NDP: variants seen among roughly 807,000 people sequenced by gnomAD.
NDP encodes norrin.
Under a neutral mutation model 8.4 loss-of-function variants are expected in NDP, and 2 were observed. The observed-to-expected ratio is 0.24, with a 90% CI of 0.10 to 0.75. The LOEUF is 0.75. Ranked by LOEUF, NDP falls within the 30% of genes least tolerant of loss-of-function variation. NDP has a pLI of 0.73. For missense variants in NDP, 81 were observed against 110.1 expected (o/e 0.74, Z 1.18); for synonymous variants, 55 against 45.6 (o/e 1.21, Z -0.83).
intron 2 of NDP, among the ~76,000 whole-genome samples, chrX:43,951,141 T>C (rs1439632479): frequency 9.0e-6 from 1 of 110,926 alleles, no homozygotes; most frequent in East Asian, 2.8e-4. Context: ...GGGCCAGGTG[T>C]ATTGTCTCAT....
At position 43,949,473 on chromosome X, in the gene NDP, G is replaced by A. The variant is rs763482992; in HGVS notation, c.*326C>T. The stretch of plus-strand genomic sequence containing the variant: ...GCACCAAACACTGACAGCCTGACAC[G>A]CTTGTGTATGAGGGCCCACTTTTTC... On this transcript the variant is annotated 3_prime_UTR_variant, in exon 3 of 3. Transcript: ENST00000642620. The A allele has an allele frequency of 7.3e-5, 21 of 288,219 alleles. No individual in the cohort carries two copies. The highest frequency in any genetic ancestry group is 9.9e-5 in the Non-Finnish European group (16 of 161,180). 23.8% of individuals were successfully genotyped at this position (288,219 alleles called of 1,213,427 possible).
intron 2 of NDP, among the ~76,000 whole-genome samples, chrX:43,956,757 T>C (rs1471706065): frequency 8.9e-6 from 1 of 112,082 alleles, no homozygotes; most frequent in African/African-American, 3.2e-5. Flanking sequence ...ATTACAAACA[T>C]TTCTCCTGCT....
chrX:43,955,502 A>C (rs755432188), intron 2 of NDP, among the ~76,000 whole-genome samples: 2 of 112,657 alleles, frequency 1.8e-5, no homozygotes, highest in South Asian at 7.4e-4. Context: ...GGCATGCCTC[A>C]GTTCTCATAG....
At chrX:43,966,752 A>C (rs1449988066) in intron 1 of NDP, 1 of 111,853 alleles carries the variant, frequency 8.9e-6, no homozygotes, top group African/African-American at 3.3e-5. Context: ...CTTTTACCCT[A>C]GAGCCAAATG....
intron 2 of NDP, among the ~76,000 whole-genome samples, chrX:43,954,247 TCAACCTC>T (rs1602065357): frequency 9.0e-6 from 1 of 110,996 alleles, no homozygotes; most frequent in African/African-American, 3.3e-5. Context: ...GGGACCCAGG[TCAACCTC>T]CAAAAGATCT....
intron 2 of NDP, among the ~76,000 whole-genome samples, chrX:43,950,458 CAAAAAAAAA>C (rs11292831): frequency 1.7e-4 from 10 of 59,302 alleles, no homozygotes; most frequent in Non-Finnish European, 2.8e-4. Context: ...AAATGACTAC[CAAAAAAAAA>C]AAAAAAAAAA....
At chrX:43,959,230 T>C (rs997340490) in intron 1 of NDP, among the ~76,000 whole-genome samples, 8 of 111,602 alleles carry the variant, frequency 7.2e-5, no homozygotes, top group Non-Finnish European at 1.5e-4. Context: ...GTCTATTCAG[T>C]TTCTCAGCAA....
intron 1 of NDP, among the ~76,000 whole-genome samples, chrX:43,964,936 A>C (rs769160963): frequency 4.5e-5 from 5 of 112,244 alleles, no homozygotes; most frequent in African/African-American, 1.6e-4. Flanking sequence ...CTTCTTACTT[A>C]AGGAGTTAAT....
intron 1 of NDP, among the ~76,000 whole-genome samples, chrX:43,961,682 AAT>A (rs2147210746): frequency 8.9e-6 from 1 of 112,215 alleles, no homozygotes; most frequent in East Asian, 2.8e-4. Context: ...TTCATTAAAA[AAT>A]AAGGCTTTCT....
intron 1 of NDP, 70 bp from the exon 2 acceptor site, chrX:43,958,922 A>G (rs2035811099): frequency 3.0e-6 from 1 of 334,451 alleles, no homozygotes; most frequent in Non-Finnish European, 5.3e-6. Context: ...CCCAGGAGGT[A>G]TTAAGTAGAA....
intron 1 of NDP, chrX:43,969,411 G>T (rs188094775): frequency 1.3e-4 from 15 of 111,905 alleles, no homozygotes; most frequent in Admixed American, 1.2e-3. Flanking sequence ...GTTTCAAGCC[G>T]CTTGTCTCTC....
chrX:43,957,674 A>AT (rs1475569321), intron 2 of NDP, among the ~76,000 whole-genome samples: 2 of 109,232 alleles, frequency 1.8e-5, no homozygotes, highest in Non-Finnish European at 3.8e-5. Context: ...TGTTTAAGTG[A>AT]TTTTCATCTC....
At chrX:43,964,841 T>C (rs1042102948) in intron 1 of NDP, among the ~76,000 whole-genome samples, 1 of 111,639 alleles carries the variant, frequency 9.0e-6, no homozygotes, top group Non-Finnish European at 1.9e-5. Context: ...TTTCTAACAG[T>C]CTCCAACTCT....
chrX:43,955,289 T>C (rs1204157266), intron 2 of NDP, among the ~76,000 whole-genome samples: 1 of 112,403 alleles, frequency 8.9e-6, no homozygotes, highest in Non-Finnish European at 1.9e-5. Flanking sequence ...ATATCTTCTA[T>C]TAAATGGCTA....
chrX:43,961,093 A>G (rs912858886), intron 1 of NDP, among the ~76,000 whole-genome samples: 2 of 112,756 alleles, frequency 1.8e-5, no homozygotes, highest in Non-Finnish European at 3.7e-5. Flanking sequence ...GTCTCATTTA[A>G]GAGAATGAAA....
intron 1 of NDP, among the ~76,000 whole-genome samples, chrX:43,960,454 C>G (rs1313480849): frequency 8.9e-6 from 1 of 112,374 alleles, no homozygotes; most frequent in East Asian, 2.8e-4. Flanking sequence ...AACTTTGCAC[C>G]ACTTTATGTT....
chrX:43,950,056 G>C (rs757790926), intron 2 of NDP, 30 bp from the exon 3 acceptor site: 3 of 1,133,834 alleles, frequency 2.6e-6, no homozygotes, highest in South Asian at 1.9e-5. Flanking sequence ...TGGTTACTCT[G>C]TGGGCATGCC....
chrX:43,957,181 C>T (rs1412086484), intron 2 of NDP, among the ~76,000 whole-genome samples: 1 of 111,717 alleles, frequency 9.0e-6, no homozygotes, highest in Non-Finnish European at 1.9e-5. Context: ...GAAGGAGAAA[C>T]TAATAATTGC....
chrX:43,962,269 ATTT>A (rs776438846), intron 1 of NDP, among the ~76,000 whole-genome samples: 1 of 95,643 alleles, frequency 1.0e-5, no homozygotes, highest in Non-Finnish European at 2.1e-5. Context: ...ATAACCTGGG[ATTT>A]TTTTTTTTTT....
Sources: gnomAD v4.1 joint callset for allele counts (sites outside exome capture counted in the v4.1 genomes callset) on GRCh38, gnomAD v4.1.1 for gene constraint, MANE v1.5 for transcripts, NCBI Gene and HGNC (gene_info 2026-07-23, HGNC 2026-07-21) for gene names.